HS6ST1: variants seen among roughly 807,000 people sequenced by gnomAD.
HS6ST1 encodes the protein heparan sulfate 6-O-sulfotransferase 1.
HS6ST1 carries 3 observed loss-of-function variants against 25.2 expected under a neutral mutation model. The ratio of observed to expected loss-of-function variants is 0.12; its 90% CI spans 0.05 to 0.31. HS6ST1 has a LOEUF of 0.31. Ranked by LOEUF, HS6ST1 falls within the 10% of genes least tolerant of loss-of-function variation. HS6ST1 has a pLI of 1.00. For missense variants in HS6ST1, 310 were observed against 609.6 expected, an observed-to-expected ratio of 0.51 and a Z score of 5.18; for synonymous variants, 204 against 275.1, an observed-to-expected ratio of 0.74 and a Z score of 2.56.
At chr2:128,315,258 A>G (rs13387904) in intron 1 of HS6ST1, among the ~76,000 whole-genome samples, 1 of 152,156 alleles carries the variant, frequency 6.6e-6, no homozygotes, top group African/African-American at 2.4e-5. Context: ...GTTCCAAACC[A>G]TATTCCAGGA....
chr2:128,318,735 G>GCCCGGC lies in HS6ST1; in HGVS notation c.-178_-173dup, dbSNP rs1362842816. 1.4e-5 allele frequency among the ~76,000 whole-genome samples: 2 copies of GCCCGGC among 146,310 alleles called. No homozygotes were observed. The highest frequency in any genetic ancestry group is 3.0e-5 in the Non-Finnish European group (2 of 65,790). ...CTCCGCGGTGCCATGGCTGCTCCCC[G>GCCCGGC]CCCGGCCCCGGCTCCCCGGGCCCGA... is the stretch of plus-strand genomic sequence containing the variant. On this transcript the variant is annotated 5_prime_UTR_variant, in exon 1 of 2. Coordinates refer to ENST00000259241, the MANE Select transcript of HS6ST1 (RefSeq NM_004807.3). This position sits in a 1 kb window ranked among gnomAD's most constrained non-coding sequence, Gnocchi z 5.7.
intron 1 of HS6ST1, among the ~76,000 whole-genome samples, chr2:128,301,951 T>G (rs757589322): frequency 6.6e-6 from 1 of 152,252 alleles, no homozygotes; most frequent in South Asian, 2.1e-4. Context: ...CAGCTTGGCC[T>G]GAGGGGAGGG....
At chr2:128,297,095 A>G (rs1441435628) in intron 1 of HS6ST1, among the ~76,000 whole-genome samples, 5 of 152,140 alleles carry the variant, frequency 3.3e-5, no homozygotes, top group Non-Finnish European at 7.4e-5. Flanking sequence ...AACCAAAACA[A>G]ATACAAAACA....
intron 1 of HS6ST1, among the ~76,000 whole-genome samples, chr2:128,306,787 C>A (rs1694218169): frequency 6.6e-6 from 1 of 152,156 alleles, no homozygotes; most frequent in Non-Finnish European, 1.5e-5. Flanking sequence ...AAAGCTTTAT[C>A]CATACAGCAG....
rs1312654800 is a variant in HS6ST1, at chr2:128,265,878, G to A, written c.*2284C>T. The A allele has an allele frequency of 6.6e-6, 1 of 152,078 alleles. No individual in the cohort carries two copies. 9.4% of individuals were successfully genotyped at this position (152,078 alleles called of 1,614,324 possible). ...CAATTTAGGAGATGCTGCTGGCAAA[G>A]GAACTGTTGACCCAAAGCAGGTGGC... On this transcript the variant is annotated 3_prime_UTR_variant, in exon 2 of 2. Coordinates refer to ENST00000259241, the MANE Select transcript of HS6ST1 (RefSeq NM_004807.3).
rs138517714 is a variant in HS6ST1, at chr2:128,314,673, C to T, written c.527+3364G>A. On this transcript the variant is annotated intron_variant, in intron 1 of 1. Coordinates refer to ENST00000259241, the MANE Select transcript of HS6ST1 (RefSeq NM_004807.3). ...CGAGGCTGCGGGCTCCTGCGCCATCCCTCCAGCAAGGAAGCACTGGTCTCT... is the reference window on the plus strand; with the variant it reads ...CGAGGCTGCGGGCTCCTGCGCCATCTCTCCAGCAAGGAAGCACTGGTCTCT... Among the ~76,000 whole-genome samples, 51 of 152,314 alleles carry T rather than the reference C, an allele frequency of 3.3e-4. No individual in the cohort carries two copies. The East Asian group carries it at 9.5e-3, about 28-fold the overall frequency.
chr2:128,289,859 G>A (rs1203394312), intron 1 of HS6ST1: 2 of 152,210 alleles, frequency 1.3e-5, no homozygotes, highest in East Asian at 3.8e-4. Flanking sequence ...GAGGATAGCT[G>A]TCAGTCAAAT....
At chr2:128,300,819 G>A (rs1179536717) in intron 1 of HS6ST1, among the ~76,000 whole-genome samples, 1 of 152,174 alleles carries the variant, frequency 6.6e-6, no homozygotes, top group African/African-American at 2.4e-5. Flanking sequence ...AGCTGCTCTG[G>A]GCGTGTCTCA....
chr2:128,304,173 T>C (rs773645521), intron 1 of HS6ST1, among the ~76,000 whole-genome samples: 2 of 152,202 alleles, frequency 1.3e-5, no homozygotes, highest in South Asian at 2.1e-4. Flanking sequence ...GTCTCCCTAA[T>C]TGCATAAGCC....
intron 1 of HS6ST1, among the ~76,000 whole-genome samples, chr2:128,297,741 C>G (rs1052392325): frequency 2.0e-5 from 3 of 151,994 alleles, no homozygotes; most frequent in Non-Finnish European, 4.4e-5. Context: ...GGCTGAGGCA[C>G]GAGAATCGCT....
At chr2:128,288,362 G>A (rs953177536) in intron 1 of HS6ST1, among the ~76,000 whole-genome samples, 6 of 152,180 alleles carry the variant, frequency 3.9e-5, no homozygotes, top group African/African-American at 1.4e-4. Context: ...TCCCTGCCAG[G>A]TGAGAAAGTG....
chr2:128,273,048 T>C lies in HS6ST1; in HGVS notation c.528-4178A>G, dbSNP rs537266249. 1.3e-3 allele frequency among the ~76,000 whole-genome samples: 199 copies of C among 152,312 alleles called. 1 individual carries two copies. Among genetic ancestry groups the C allele is most frequent in the Non-Finnish European group, 2.4e-3 (163 of 68,024 alleles). On this transcript the variant is annotated intron_variant, in intron 1 of 1. Coordinates refer to ENST00000259241, the MANE Select transcript of HS6ST1 (RefSeq NM_004807.3). ...GTCCTTCCTGCGCCCATGTCCCACA[T>C]AACCCTTCTGGACCAAGGCCTCCCG...
intron 1 of HS6ST1, among the ~76,000 whole-genome samples, chr2:128,286,338 C>T (rs921027297): frequency 3.3e-5 from 5 of 152,194 alleles, no homozygotes; most frequent in Non-Finnish European, 4.4e-5. Flanking sequence ...GGGCCAGGAA[C>T]ATAGACACTA....
intron 1 of HS6ST1, among the ~76,000 whole-genome samples, chr2:128,274,288 A>G (rs1339700304): frequency 2.0e-5 from 3 of 152,198 alleles, no homozygotes; most frequent in South Asian, 4.1e-4. Context: ...GAGGACTAAA[A>G]AGTTGACCCT....
At chr2:128,273,087 T>G (rs1399272094) in intron 1 of HS6ST1, among the ~76,000 whole-genome samples, 1 of 152,214 alleles carries the variant, frequency 6.6e-6, no homozygotes, top group Non-Finnish European at 1.5e-5. Context: ...CAGGGACAGC[T>G]GCTGGGGAAC....
At chr2:128,289,042 C>T (rs375054528) in intron 1 of HS6ST1, among the ~76,000 whole-genome samples, 3 of 152,162 alleles carry the variant, frequency 2.0e-5, no homozygotes, top group African/African-American at 4.8e-5. Flanking sequence ...GAGGCGGCCG[C>T]GGAGAGATGG....
intron 1 of HS6ST1, among the ~76,000 whole-genome samples, chr2:128,303,550 G>A (rs1387346424): frequency 1.3e-5 from 2 of 152,250 alleles, no homozygotes; most frequent in Non-Finnish European, 2.9e-5. Flanking sequence ...CACCTGTCTG[G>A]GCCCAGATGC....
At chr2:128,282,347 A>G (rs897585274) in intron 1 of HS6ST1, among the ~76,000 whole-genome samples, 22 of 152,118 alleles carry the variant, frequency 1.4e-4, no homozygotes, top group Non-Finnish European at 2.6e-4. Flanking sequence ...GAAGCCCTGG[A>G]CTCTGGCCCA....
At chr2:128,287,063 C>T (rs1693875240) in intron 1 of HS6ST1, among the ~76,000 whole-genome samples, 1 of 152,200 alleles carries the variant, frequency 6.6e-6, no homozygotes, top group Non-Finnish European at 1.5e-5. Context: ...CCTGCATGAT[C>T]TCATTGCGCC....
Sources: allele counts gnomAD v4.1 joint callset (sites outside exome capture counted in the v4.1 genomes callset), GRCh38; gene constraint gnomAD v4.1.1; non-coding constraint Gnocchi (gnomAD v3.1); transcripts MANE v1.5; gene names NCBI Gene and HGNC (gene_info 2026-07-23, HGNC 2026-07-21).